Variants in TMCC1 observed in about 807,000 individuals in gnomAD.
TMCC1 encodes transmembrane and coiled-coil domains protein 1.
Under a neutral mutation model 52.4 loss-of-function variants are expected in TMCC1, and 15 were observed. That is an observed-to-expected ratio of 0.29 (90% CI 0.19 to 0.44). The LOEUF (loss-of-function observed/expected upper bound fraction) is 0.44. Among genes scored for constraint, TMCC1 ranks in the 20% least tolerant of loss-of-function variants. The probability of loss-of-function intolerance (pLI) is 1.00; values close to 1 mark genes in which losing one functional copy is unlikely to be tolerated. For synonymous variants in TMCC1, 279 were observed against 301.9 expected (o/e 0.92, Z 0.79); for missense variants, 503 against 806.0 (o/e 0.62, Z 4.55).
Position 129,873,734 on chromosome 3 carries a change from C to T in TMCC1, c.-184+6575G>A, listed in dbSNP as rs570225116. 8.5e-5 allele frequency among the ~76,000 whole-genome samples: 13 copies of T among 152,218 alleles called. No individual in the cohort carries two copies. In the East Asian group the frequency reaches 1.7e-3, roughly 20 times the overall value. On this transcript the variant is annotated intron_variant, in intron 2 of 6. Transcript: ENST00000393238. ...AAATACTGTTTTTTAATGACATGGG[C>T]TATAAGTAGCATACGGTTAATCCCT...
intron 4 of TMCC1, among the ~76,000 whole-genome samples, chr3:129,747,920 C>A (rs1014345467): frequency 6.6e-6 from 1 of 152,218 alleles, no homozygotes; most frequent in South Asian, 2.1e-4. Flanking sequence ...AAGAAAGAAC[C>A]CTGTAAACTG....
At chr3:129,772,541 C>A (rs1281902064) in intron 4 of TMCC1, among the ~76,000 whole-genome samples, 1 of 151,312 alleles carries the variant, frequency 6.6e-6, no homozygotes, top group African/African-American at 2.4e-5. Flanking sequence ...CGGTGAAACC[C>A]CGTCTCTACT....
chr3:129,727,527 T>C (rs1030226332), intron 4 of TMCC1, among the ~76,000 whole-genome samples: 3 of 152,172 alleles, frequency 2.0e-5, no homozygotes, highest in African/African-American at 7.2e-5. Flanking sequence ...AATAATACAT[T>C]TTCAACATGT....
intron 4 of TMCC1, among the ~76,000 whole-genome samples, chr3:129,764,486 C>T (rs2053911584): frequency 6.6e-6 from 1 of 152,062 alleles, no homozygotes; most frequent in African/African-American, 2.4e-5. Flanking sequence ...GAACTTCTCA[C>T]ATCCTAATAA....
intron 4 of TMCC1, among the ~76,000 whole-genome samples, chr3:129,767,006 A>G (rs1023978091): frequency 5.9e-5 from 9 of 151,850 alleles, no homozygotes; most frequent in African/African-American, 2.2e-4. Flanking sequence ...TTATACCTGT[A>G]ATCCCAGCAC....
At chr3:129,738,489 A>G (rs796579657) in intron 4 of TMCC1, among the ~76,000 whole-genome samples, 23 of 149,126 alleles carry the variant, frequency 1.5e-4, no homozygotes, top group African/African-American at 5.6e-4. Flanking sequence ...CCAAACAGGA[A>G]TTTAAAATGA....
At chr3:129,696,356 C>CG (rs2047417127) in intron 4 of TMCC1, among the ~76,000 whole-genome samples, 1 of 152,192 alleles carries the variant, frequency 6.6e-6, no homozygotes, top group Non-Finnish European at 1.5e-5. Flanking sequence ...CGAACTCTCC[C>CG]GTCTTTGTGG....
At chr3:129,792,098 T>C (rs1035323066) in intron 4 of TMCC1, among the ~76,000 whole-genome samples, 1 of 151,834 alleles carries the variant, frequency 6.6e-6, no homozygotes, top group African/African-American at 2.4e-5. Flanking sequence ...AAGACAACTC[T>C]ACTCCTGTGG....
intron 4 of TMCC1, among the ~76,000 whole-genome samples, chr3:129,774,895 G>A (rs2054902970): frequency 1.3e-5 from 2 of 152,140 alleles, no homozygotes; most frequent in African/African-American, 4.8e-5. Context: ...TAGGAAGTTT[G>A]AACTTTATCC....
chr3:129,775,843 C>G (rs1363557360), intron 4 of TMCC1, among the ~76,000 whole-genome samples: 4 of 152,190 alleles, frequency 2.6e-5, no homozygotes, highest in Admixed American at 6.5e-5. Flanking sequence ...CCAGACAGAT[C>G]TTTTAAAAAT....
intron 2 of TMCC1, among the ~76,000 whole-genome samples, chr3:129,833,031 CAAGAAAGAAAGTATTCTGGAAAA>C (rs1033955041): frequency 1.6e-4 from 25 of 151,754 alleles, no homozygotes; most frequent in Admixed American, 1.6e-3. Context: ...TAATTATAAT[CAAGAAAGAAAGTATTCTGGAAAA>C]AATATTAACT....
intron 4 of TMCC1, among the ~76,000 whole-genome samples, chr3:129,732,334 T>G (rs1363033892): frequency 1.3e-5 from 2 of 152,104 alleles, no homozygotes; most frequent in Non-Finnish European, 2.9e-5. Flanking sequence ...GTCAGTTAAG[T>G]TTTCAAAGTC....
intron 4 of TMCC1, among the ~76,000 whole-genome samples, chr3:129,726,597 G>A (rs549179110): frequency 6.6e-6 from 1 of 151,882 alleles, no homozygotes; most frequent in South Asian, 2.1e-4. Flanking sequence ...GGGATGTGAA[G>A]GCCGGGCATG....
intron 6 of TMCC1, among the ~76,000 whole-genome samples, chr3:129,653,891 C>T (rs564973643): frequency 6.6e-6 from 1 of 152,194 alleles, no homozygotes; most frequent in East Asian, 1.9e-4. Context: ...ATTAGTAATG[C>T]ATTAGTGACA....
intron 4 of TMCC1, among the ~76,000 whole-genome samples, chr3:129,729,330 T>A (rs6806869): frequency 6.6e-6 from 1 of 152,152 alleles, no homozygotes; most frequent in East Asian, 1.9e-4. Context: ...TATCTTTTTA[T>A]GTATTTAGTT....
At chr3:129,722,024 T>G (rs1234505591) in intron 4 of TMCC1, among the ~76,000 whole-genome samples, 1 of 152,232 alleles carries the variant, frequency 6.6e-6, no homozygotes, top group Non-Finnish European at 1.5e-5. Flanking sequence ...GTGAACATTT[T>G]AATCATTGTT....
rs902774051 is a variant in TMCC1, at chr3:129,861,333, G to A, written c.-184+18976C>T. On this transcript the variant is annotated intron_variant, in intron 2 of 6. Transcript: ENST00000393238. ...CGTGCACCTGTAGTCCCAGCTACTT[G>A]GGAGGCTGAGGCAGGAGAATCGCTC... Among the ~76,000 whole-genome samples, 5 of 152,080 alleles carry A rather than the reference G, an allele frequency of 3.3e-5. 1 individual carries two copies. The highest frequency in any genetic ancestry group is 1.2e-4 in the African/African-American group (5 of 41,484).
At chr3:129,817,383 AG>A (rs1477970614) in intron 4 of TMCC1, among the ~76,000 whole-genome samples, 1 of 152,176 alleles carries the variant, frequency 6.6e-6, no homozygotes, top group Non-Finnish European at 1.5e-5. Context: ...CAGGAGATCA[AG>A]GCTGCAGTGA....
At chr3:129,838,206 A>C (rs982812148) in intron 2 of TMCC1, among the ~76,000 whole-genome samples, 7 of 151,682 alleles carry the variant, frequency 4.6e-5, no homozygotes, top group African/African-American at 1.7e-4. Flanking sequence ...AGCCCAGGAG[A>C]CCAGCCTGGG....
Sources: gnomAD v4.1 joint callset for allele counts (sites outside exome capture counted in the v4.1 genomes callset) on GRCh38, gnomAD v4.1.1 for gene constraint, MANE v1.5 for transcripts, NCBI Gene and HGNC (gene_info 2026-07-23, HGNC 2026-07-21) for gene names.